Variants in EFCAB5 observed in about 807,000 individuals in gnomAD.
The protein encoded by EFCAB5 is EF-hand calcium-binding domain-containing protein 5.
Under a neutral mutation model 167.9 loss-of-function variants are expected in EFCAB5, and 131 were observed. The observed-to-expected ratio is 0.78, with a 90% confidence interval of 0.68 to 0.90. The LOEUF is 0.90. Among genes scored for constraint, EFCAB5 ranks in the 40% least tolerant of loss-of-function variants. The pLI, the probability that EFCAB5 is intolerant of heterozygous loss-of-function variation, is 0.00. For missense variants in EFCAB5, 1,663 were observed against 1,745.2 expected, an observed-to-expected ratio of 0.95 and a Z score of 0.84; for synonymous variants, 574 against 602.8, an observed-to-expected ratio of 0.95 and a Z score of 0.70.
chr17:30,081,075 CTGTG>C, intron 17 of EFCAB5, 94 bp downstream of exon 17: 1 of 946,626 alleles, frequency 1.1e-6, no homozygotes, highest in Non-Finnish European at 1.6e-6. Flanking sequence ...GAGAGTAAAG[CTGTG>C]TATACAGATA....
intron 7 of EFCAB5, among the ~76,000 whole-genome samples, chr17:30,007,823 C>T (rs2151671983): frequency 6.6e-6 from 1 of 152,084 alleles, no homozygotes; most frequent in Admixed American, 6.5e-5. Context: ...CCTGTCTGTA[C>T]AAAAAATTAA....
chr17:29,967,899 T>A (rs2067865366), intron 3 of EFCAB5, among the ~76,000 whole-genome samples: 1 of 151,574 alleles, frequency 6.6e-6, no homozygotes, highest in Non-Finnish European at 1.5e-5. Flanking sequence ...TTTTTTTTTT[T>A]TTTTTTTGAG....
At chr17:29,948,980 A>G (rs1246935324) in intron 3 of EFCAB5, among the ~76,000 whole-genome samples, 8 of 152,182 alleles carry the variant, frequency 5.3e-5, no homozygotes, top group African/African-American at 1.9e-4. Context: ...AATCCTGATA[A>G]TAAGGACAAA....
chr17:29,962,632 C>CTTTTTT (rs796553756), intron 3 of EFCAB5, among the ~76,000 whole-genome samples: 3 of 110,434 alleles, frequency 2.7e-5, no homozygotes, highest in Non-Finnish European at 3.6e-5. Context: ...CCATGCCTGG[C>CTTTTTT]TTTTTTTTTT....
intron 8 of EFCAB5, among the ~76,000 whole-genome samples, chr17:30,040,052 T>G (rs961440079): frequency 1.3e-5 from 2 of 152,234 alleles, no homozygotes; most frequent in Admixed American, 1.3e-4. Context: ...CAAAAGTGAC[T>G]GTTATGCTTG....
intron 5 of EFCAB5, among the ~76,000 whole-genome samples, chr17:29,993,975 C>T (rs1323144953): frequency 1.3e-5 from 2 of 150,506 alleles, no homozygotes; most frequent in Non-Finnish European, 3.0e-5. Context: ...AGAAATTATC[C>T]AGGCTGTGGT....
chr17:30,051,761 G>A (rs988392480), intron 9 of EFCAB5, among the ~76,000 whole-genome samples: 3 of 152,070 alleles, frequency 2.0e-5, no homozygotes, highest in Non-Finnish European at 4.4e-5. Flanking sequence ...GTTTCACCCT[G>A]TTGCCAAGGA....
At chr17:30,043,939 A>G (rs1246811254) in intron 8 of EFCAB5, among the ~76,000 whole-genome samples, 1 of 152,202 alleles carries the variant, frequency 6.6e-6, no homozygotes, top group Non-Finnish European at 1.5e-5. Context: ...CAAAAAATAG[A>G]CATCACCAAA....
At chr17:30,065,061 C>T (rs1045982123) in intron 14 of EFCAB5, among the ~76,000 whole-genome samples, 1 of 152,188 alleles carries the variant, frequency 6.6e-6, no homozygotes, top group African/African-American at 2.4e-5. Context: ...ACAAGAAATG[C>T]TCAAGGGAGC....
chr17:30,030,316 G>A (rs953923467), intron 7 of EFCAB5, among the ~76,000 whole-genome samples: 1 of 152,098 alleles, frequency 6.6e-6, no homozygotes, highest in African/African-American at 2.4e-5. Context: ...AAATCCAGAA[G>A]TGTCTCTCAG....
chr17:30,096,078 A>G (rs1329331743), intron 22 of EFCAB5, among the ~76,000 whole-genome samples: 1 of 152,192 alleles, frequency 6.6e-6, no homozygotes, highest in Non-Finnish European at 1.5e-5. Context: ...ACGAGTTATG[A>G]TATTAGACAA....
At chr17:30,015,153 T>C (rs2069003198) in intron 7 of EFCAB5, among the ~76,000 whole-genome samples, 1 of 152,256 alleles carries the variant, frequency 6.6e-6, no homozygotes, top group Admixed American at 6.5e-5. Flanking sequence ...TTGTAGGGTT[T>C]CTGCTGAGAG....
intron 3 of EFCAB5, chr17:29,968,395 G>A (rs2067877371): frequency 2.2e-6 from 1 of 445,462 alleles, no homozygotes; most frequent in African/African-American, 2.0e-5. Context: ...TTAGAGTGGG[G>A]AGTCTGGGAT....
chr17:29,960,689 G>A (rs1237526819), intron 3 of EFCAB5, among the ~76,000 whole-genome samples: 1 of 152,062 alleles, frequency 6.6e-6, no homozygotes, highest in Non-Finnish European at 1.5e-5. Context: ...ATGGATGCTT[G>A]AGTTGTTTCC....
At chr17:29,996,487 T>G in intron 6 of EFCAB5, 127 bp downstream of exon 6, 1 of 703,640 alleles carries the variant, frequency 1.4e-6, no homozygotes, top group Non-Finnish European at 2.4e-6. Flanking sequence ...AATTAGGCTC[T>G]TCCATGCTGT....
At chr17:30,092,786 T>C (rs773166740) in intron 21 of EFCAB5, 54 bp from the exon 22 acceptor site, 1 of 1,289,752 alleles carries the variant, frequency 7.8e-7, no homozygotes. Context: ...AACTGGGCAC[T>C]GTATTTCTGC....
At chr17:29,990,346 T>C (rs2068387220) in intron 4 of EFCAB5, among the ~76,000 whole-genome samples, 1 of 152,238 alleles carries the variant, frequency 6.6e-6, no homozygotes, top group Non-Finnish European at 1.5e-5. Flanking sequence ...TGCTTTGCCT[T>C]GTTTATTTGT....
chr17:30,072,441 T>C (rs909237717), intron 14 of EFCAB5, among the ~76,000 whole-genome samples: 4 of 152,190 alleles, frequency 2.6e-5, no homozygotes, highest in Admixed American at 6.5e-5. Context: ...AAAGTCTCAT[T>C]GAAAAGTACA....
At chr17:30,014,448 G>A (rs2068982591) in intron 7 of EFCAB5, among the ~76,000 whole-genome samples, 1 of 152,092 alleles carries the variant, frequency 6.6e-6, no homozygotes, top group African/African-American at 2.4e-5. Flanking sequence ...TGTCTTTTTA[G>A]GTCTCTAAGG....
Sources: allele counts gnomAD v4.1 joint callset (sites outside exome capture counted in the v4.1 genomes callset), GRCh38; gene constraint gnomAD v4.1.1; transcripts MANE v1.5; gene names NCBI Gene and HGNC (gene_info 2026-07-23, HGNC 2026-07-21).